PGPEP1L: variants seen among roughly 807,000 people sequenced by gnomAD.
PGPEP1L encodes the protein pyroglutamyl-peptidase 1-like protein.
In PGPEP1L, 7 loss-of-function variants were observed where a neutral mutation model predicts 6.0. The observed-to-expected ratio is 1.17, with a 90% CI of 0.66 to 2.19. The LOEUF is 2.19. Among genes scored for constraint, PGPEP1L ranks in the 30% most tolerant of loss-of-function variants. The pLI is 0.00. For missense variants in PGPEP1L, 209 were observed against 192.5 expected (o/e 1.09, Z -0.51); for synonymous variants, 103 against 83.9 (o/e 1.23, Z -1.24).
At position 98,973,291 on chromosome 15, in the gene PGPEP1L, A is replaced by G. The variant is rs2017525040; in HGVS notation, c.-141-2133T>C. ...AAACTTTGATACTCCACTTTCAGCA[A>G]TGGACAAATCATCCAGACAGAAAAT... On this transcript the variant is annotated intron_variant, in intron 2 of 4. Coordinates refer to ENST00000535714, the MANE Select transcript of PGPEP1L (RefSeq NM_001167902.2). Among the ~76,000 whole-genome samples the G allele has an allele frequency of 2.6e-5, 4 of 152,236 alleles. No individual in the cohort carries two copies. In the South Asian group the frequency reaches 8.3e-4, roughly 32 times the overall value.
At chr15:98,982,700 C>CTTTTTTTTTTTTTTTTTTTTTTTT (rs369749842) in intron 2 of PGPEP1L, among the ~76,000 whole-genome samples, 5 of 52,510 alleles carry the variant, frequency 9.5e-5, no homozygotes, top group Non-Finnish European at 2.1e-4. Flanking sequence ...TTATCTGAGG[C>CTTTTTTTTTTTTTTTTTTTTTTTT]TTTTTTTTTT....
chr15:98,973,667 A>C (rs1427902120), intron 2 of PGPEP1L, among the ~76,000 whole-genome samples: 1 of 152,174 alleles, frequency 6.6e-6, no homozygotes, highest in East Asian at 1.9e-4. Context: ...ATGGCAATGG[A>C]AACACAATAT....
intron 2 of PGPEP1L, among the ~76,000 whole-genome samples, chr15:98,996,526 GT>G: frequency 1.6e-3 from 1 of 608 alleles, no homozygotes; most frequent in East Asian, 0.025. Context: ...ATAGGGGTAT[GT>G]GTGTGTGTGT....
At chr15:98,973,506 T>A (rs1363948685) in intron 2 of PGPEP1L, among the ~76,000 whole-genome samples, 1 of 152,208 alleles carries the variant, frequency 6.6e-6, no homozygotes, top group African/African-American at 2.4e-5. Flanking sequence ...TTATATCAAG[T>A]ATCTTTTCTG....
intron 2 of PGPEP1L, among the ~76,000 whole-genome samples, chr15:98,980,614 CAGGAT>C (rs1567237107): frequency 6.6e-6 from 1 of 152,072 alleles, no homozygotes; most frequent in Non-Finnish European, 1.5e-5. Flanking sequence ...CCAAAGAGGA[CAGGAT>C]AGAAGTGGGG....
chr15:98,986,321 G>T (rs2017746148), intron 2 of PGPEP1L, among the ~76,000 whole-genome samples: 1 of 152,232 alleles, frequency 6.6e-6, no homozygotes, highest in African/African-American at 2.4e-5. Flanking sequence ...TCTGGTACCA[G>T]ATCTTCAAAA....
At chr15:98,988,075 C>T (rs2312493) in intron 2 of PGPEP1L, among the ~76,000 whole-genome samples, 2 of 152,008 alleles carry the variant, frequency 1.3e-5, no homozygotes, top group African/African-American at 2.4e-5. Flanking sequence ...GGGCAGACAC[C>T]GAGCTAGCTG....
intron 2 of PGPEP1L, among the ~76,000 whole-genome samples, chr15:98,976,232 CAAT>C (rs2017567939): frequency 6.6e-6 from 1 of 152,214 alleles, no homozygotes; most frequent in African/African-American, 2.4e-5. Flanking sequence ...TGTTATACAT[CAAT>C]GTTATACATA....
intron 2 of PGPEP1L, among the ~76,000 whole-genome samples, chr15:98,982,588 G>A (rs2017680307): frequency 6.6e-6 from 1 of 152,072 alleles, no homozygotes; most frequent in Admixed American, 6.5e-5. Context: ...TGAAGCGGGT[G>A]CCCAGGACAT....
chr15:99,002,560 G>A (rs190133162), intron 2 of PGPEP1L, among the ~76,000 whole-genome samples: 1 of 152,286 alleles, frequency 6.6e-6, no homozygotes, highest in Non-Finnish European at 1.5e-5. Flanking sequence ...CTTTTATATT[G>A]AAAATGTTAA....
chr15:98,971,267 C>G, intron 2 of PGPEP1L, 109 bp from the exon 3 acceptor site: 1 of 1,370,170 alleles, frequency 7.3e-7, no homozygotes. Flanking sequence ...AGGGGTCTTC[C>G]GCAGCCTGGA....
chr15:99,007,137 C>T (rs1229492928), intron 1 of PGPEP1L, among the ~76,000 whole-genome samples: 4 of 152,212 alleles, frequency 2.6e-5, no homozygotes, highest in South Asian at 2.1e-4. Flanking sequence ...GGCTGCAGGC[C>T]TCTTCACTGC....
In PGPEP1L at chr15:99,007,504, G is replaced by A. The variant is rs1247904805; in HGVS notation, c.-515C>T. The A allele has an allele frequency of 2.0e-5, 3 of 152,208 alleles. No homozygotes were observed. The highest frequency in any genetic ancestry group is 2.4e-5 in the African/African-American group (1 of 41,428). 9.4% of individuals were successfully genotyped at this position (152,208 alleles called of 1,614,324 possible). On this transcript the variant is annotated 5_prime_UTR_variant, in exon 1 of 5. Coordinates refer to ENST00000535714, the MANE Select transcript of PGPEP1L (RefSeq NM_001167902.2). ...TTTCTTCTGATGCTCGCATGTGTTC[G>A]GAGTTTCTTCCTTCTGGCAGATTCG... is the stretch of plus-strand genomic sequence containing the variant.
intron 2 of PGPEP1L, among the ~76,000 whole-genome samples, chr15:98,975,881 AAAAT>A (rs776389607): frequency 6.3e-4 from 96 of 152,336 alleles, no homozygotes; most frequent in Admixed American, 3.9e-3. Context: ...ACTCTGTCTC[AAAAT>A]AAATAAATAA....
intron 1 of PGPEP1L, among the ~76,000 whole-genome samples, chr15:99,006,740 G>A (rs542005325): frequency 6.6e-5 from 10 of 152,336 alleles, no homozygotes; most frequent in Admixed American, 2.6e-4. Context: ...CACTTGAGCC[G>A]TCAGTCGTAA....
intron 2 of PGPEP1L, among the ~76,000 whole-genome samples, chr15:98,974,677 A>G (rs2151755372): frequency 1.3e-5 from 2 of 152,334 alleles, no homozygotes; most frequent in Admixed American, 1.3e-4. Context: ...CGGGTGGATC[A>G]CCTGAAGTTG....
At chr15:98,994,429 G>A (rs1423205915) in intron 2 of PGPEP1L, among the ~76,000 whole-genome samples, 3 of 151,984 alleles carry the variant, frequency 2.0e-5, no homozygotes, top group African/African-American at 4.8e-5. Flanking sequence ...TGAGGTGGGT[G>A]GATTGCTTGA....
intron 3 of PGPEP1L, 62 bp downstream of exon 3, chr15:98,970,974 G>A: frequency 2.5e-6 from 4 of 1,600,468 alleles, no homozygotes; most frequent in South Asian, 1.1e-5. Context: ...GGACCCGGGG[G>A]TTCAGAGGCT....
In PGPEP1L at chr15:98,969,451, G is replaced by A. The variant is rs1260764049; in HGVS notation, c.183C>T (p.Asp61=). 30 of 1,613,988 alleles carry A rather than the reference G, an allele frequency of 1.9e-5. No homozygotes were observed. The highest frequency in any genetic ancestry group is 4.4e-5 in the South Asian group (4 of 91,072). The stretch of plus-strand genomic sequence containing the variant: ...TGCCTGCATCTCGGGAAAAGATCAC[G>A]TCGACACCCTCCACAGCTACGCGCT... ...VCKRVAVEGV[D]VIFSRDAGRY... is the part of the protein sequence containing the mutation. Residue 61 remains aspartate (D), a synonymous_variant, in exon 4 of 5, where the codon GAC becomes GAT. Coordinates refer to ENST00000535714, the MANE Select transcript of PGPEP1L (RefSeq NM_001167902.2).
Sources: gnomAD v4.1 joint callset for allele counts (sites outside exome capture counted in the v4.1 genomes callset) on GRCh38, gnomAD v4.1.1 for gene constraint, MANE v1.5 for transcripts, NCBI Gene and HGNC (gene_info 2026-07-23, HGNC 2026-07-21) for gene names.